The following MMP26 variants were observed in gnomAD, a reference collection of about 807,000 sequenced individuals.
MMP26 encodes matrix metalloproteinase-26.
Under a neutral mutation model 31.0 loss-of-function variants are expected in MMP26, and 33 were observed. That is an observed-to-expected ratio of 1.06 (90% CI 0.81 to 1.42). The LOEUF (loss-of-function observed/expected upper bound fraction) is 1.42. Ranked by LOEUF, MMP26 falls within the 40% of genes most tolerant of loss-of-function variation. The probability of loss-of-function intolerance (pLI) is 0.00; values close to 1 mark genes in which losing one functional copy is unlikely to be tolerated. For synonymous variants in MMP26, 122 were observed against 114.9 expected, an observed-to-expected ratio of 1.06 and a Z score of -0.40; for missense variants, 347 against 316.1, an observed-to-expected ratio of 1.10 and a Z score of -0.74.
intron 2 of MMP26, among the ~76,000 whole-genome samples, chr11:4,938,966 T>C (rs1214651369): frequency 6.6e-6 from 1 of 152,184 alleles, no homozygotes; most frequent in African/African-American, 2.4e-5. Context: ...AGTATTAGCA[T>C]ATTAACTAAT....
chr11:4,748,379 G>T (rs1164259333), intron 1 of MMP26, among the ~76,000 whole-genome samples: 3 of 151,920 alleles, frequency 2.0e-5, no homozygotes, highest in Admixed American at 2.0e-4. Flanking sequence ...AGAAGAGTTG[G>T]TACCAATCCA....
intron 1 of MMP26, chr11:4,756,597 A>G (rs565813438): frequency 1.3e-5 from 2 of 152,264 alleles, no homozygotes; most frequent in South Asian, 4.1e-4. Flanking sequence ...TTTATAAAAC[A>G]TGGCATTCAT....
At chr11:4,915,434 C>T in intron 2 of MMP26, 1 of 1,613,970 alleles carries the variant, frequency 6.2e-7, no homozygotes, top group Non-Finnish European at 8.5e-7. Context: ...AAGGGAGAGA[C>T]CCAGGTCAAT....
intron 2 of MMP26, among the ~76,000 whole-genome samples, chr11:4,816,697 C>CA: frequency 1.3e-5 from 1 of 79,386 alleles, no homozygotes; most frequent in South Asian, 4.2e-4. Context: ...TGGGTGCCTT[C>CA]TTTTTTTTTT....
At chr11:4,705,356 T>G (rs1847761173) in intron 1 of MMP26, among the ~76,000 whole-genome samples, 1 of 152,186 alleles carries the variant, frequency 6.6e-6, no homozygotes, top group Admixed American at 6.5e-5. Context: ...AATCTGCCAT[T>G]GGCTTGTTGG....
intron 1 of MMP26, among the ~76,000 whole-genome samples, chr11:4,735,560 A>C (rs1564897676): frequency 6.6e-6 from 1 of 152,174 alleles, no homozygotes; most frequent in Non-Finnish European, 1.5e-5. Flanking sequence ...TCCTGTTGCC[A>C]GTATCTATAT....
At chr11:4,923,680 G>A (rs755218719) in intron 2 of MMP26, 27 of 1,613,850 alleles carry the variant, frequency 1.7e-5, no homozygotes, top group East Asian at 6.7e-5. Context: ...GGATGAGGGC[G>A]TATGAGAGAA....
In MMP26 at chr11:4,781,408, G is replaced by A. The variant is rs1216359104; in HGVS notation, c.-145+14067G>A. ...TAAAAATACAAAAAATTAGCCGGGCGCGGTGGCGGGCGCCTGTAGTCCCAG... is the reference window on the plus strand; with the variant it reads ...TAAAAATACAAAAAATTAGCCGGGCACGGTGGCGGGCGCCTGTAGTCCCAG... On this transcript the variant is annotated intron_variant, in intron 2 of 7. Transcript: ENST00000380390. 4.7e-5 allele frequency among the ~76,000 whole-genome samples: 4 copies of A among 85,922 alleles called. 2 individuals carry two copies. Among genetic ancestry groups the A allele is most frequent in the South Asian group, 5.6e-4 (2 of 3,554 alleles). The allele number at this position is 85,922 out of a possible 152,430, so 56.4% of individuals were successfully genotyped here.
chr11:4,783,122 C>G (rs1282767288), intron 2 of MMP26, among the ~76,000 whole-genome samples: 1 of 152,112 alleles, frequency 6.6e-6, no homozygotes, highest in Admixed American at 6.5e-5. Context: ...TCCTCCAGAC[C>G]CCAGAATGAT....
chr11:4,940,734 G>C (rs1846194949), intron 2 of MMP26, among the ~76,000 whole-genome samples: 1 of 152,132 alleles, frequency 6.6e-6, no homozygotes. Context: ...GCAGACTTTG[G>C]CAGAGAAAAC....
rs773590637 is a variant in MMP26 at position 4,992,124 on chromosome 11, T to C, written c.756T>C (p.Tyr252=). 7 of 1,612,522 alleles carry C rather than the reference T, an allele frequency of 4.3e-6. No individual in the cohort carries two copies. The highest frequency in any genetic ancestry group is 1.7e-5 in the Admixed American group (1 of 59,696). The change falls in exon 7 of 8, where the codon TAT becomes TAC. Residue 252 remains tyrosine (Y), a splice_region_variant and synonymous_variant. Transcript: ENST00000380390. The part of the protein sequence containing the change: ...ADDIQRIQHL[Y]GEKCSSDIP Reference sequence around the variant, plus strand: ...ATATCCAAAGGATCCAGCATTTGTATGGTCTGTGCTGCTTAAGGAAGAGAA... The same window carrying C: ...ATATCCAAAGGATCCAGCATTTGTACGGTCTGTGCTGCTTAAGGAAGAGAA...
At chr11:4,792,890 T>C (rs949228806) in intron 2 of MMP26, among the ~76,000 whole-genome samples, 4 of 152,314 alleles carry the variant, frequency 2.6e-5, no homozygotes, top group East Asian at 1.9e-4. Flanking sequence ...GGCCAGCCAA[T>C]TGATAGTTAT....
chr11:4,798,567 C>A (rs1433903), intron 2 of MMP26, among the ~76,000 whole-genome samples: 56,119 of 152,104 alleles, frequency 0.37, 11,441 homozygotes, highest in African/African-American at 0.52. Flanking sequence ...TGCCTGCACT[C>A]TGCTAGGATT....
At chr11:4,724,705 A>G (rs1321215889) in intron 1 of MMP26, among the ~76,000 whole-genome samples, 2 of 152,224 alleles carry the variant, frequency 1.3e-5, no homozygotes, top group Non-Finnish European at 2.9e-5. Context: ...AATGAATCCA[A>G]TAGAACAACT....
intron 2 of MMP26, among the ~76,000 whole-genome samples, chr11:4,837,861 G>T (rs1424426083): frequency 1.3e-5 from 2 of 151,740 alleles, no homozygotes; most frequent in South Asian, 2.1e-4. Flanking sequence ...ATAAACACAT[G>T]GAGGCAGCCA....
At chr11:4,963,099 CAGAG>C in intron 2 of MMP26, among the ~76,000 whole-genome samples, 1 of 152,246 alleles carries the variant, frequency 6.6e-6, no homozygotes, top group East Asian at 1.9e-4. Flanking sequence ...AATAGACAAA[CAGAG>C]AGCCAAATCA....
chr11:4,778,184 GTTTTAA>G (rs1399902359), intron 2 of MMP26, among the ~76,000 whole-genome samples: 1 of 152,022 alleles, frequency 6.6e-6, no homozygotes, highest in Non-Finnish European at 1.5e-5. Flanking sequence ...CTTCATTGGA[GTTTTAA>G]TTTTAATTTC....
intron 2 of MMP26, among the ~76,000 whole-genome samples, chr11:4,782,534 C>T (rs547160024): frequency 6.6e-6 from 1 of 152,252 alleles, no homozygotes; most frequent in Non-Finnish European, 1.5e-5. Flanking sequence ...ACATTTGCAG[C>T]CTGACAATGG....
chr11:4,883,864 C>T (rs1850512745), intron 2 of MMP26, among the ~76,000 whole-genome samples: 1 of 152,024 alleles, frequency 6.6e-6, no homozygotes, highest in Non-Finnish European at 1.5e-5. Context: ...TTTTTTTCCA[C>T]AGTTTTGATA....
Sources: allele counts gnomAD v4.1 joint callset (sites outside exome capture counted in the v4.1 genomes callset), GRCh38; gene constraint gnomAD v4.1.1; transcripts MANE v1.5; gene names NCBI Gene and HGNC (gene_info 2026-07-23, HGNC 2026-07-21).